The following GLG1 variants were observed in gnomAD, a reference collection of about 807,000 sequenced individuals.
GLG1 encodes the protein golgi glycoprotein 1, also known as Golgi apparatus protein 1.
In GLG1, 38 loss-of-function variants were observed where a neutral mutation model predicts 160.5. The ratio of observed to expected loss-of-function variants is 0.24; its 90% CI spans 0.18 to 0.31. GLG1 has a LOEUF of 0.31. Among genes scored for constraint, GLG1 ranks in the 10% least tolerant of loss-of-function variants. GLG1 has a pLI of 1.00. For synonymous variants in GLG1, 644 were observed against 543.4 expected (o/e 1.19, Z -2.57); for missense variants, 1,373 against 1,505.2 (o/e 0.91, Z 1.45).
At position 74,542,744 on chromosome 16, in the gene GLG1, A is replaced by AGGAAG. The variant is rs2017919994; in HGVS notation, c.439-10596_439-10592dup. ...AAGGAAGGAAGGAAGGGAGGAAGGA[A>AGGAAG]GGAAGGAAGGAAGGAAGGAAGGAAG... On this transcript the variant is annotated intron_variant, in intron 1 of 25. Transcript: ENST00000422840. Among the ~76,000 whole-genome samples the AGGAAG allele has an allele frequency of 5.4e-4, 7 of 12,856 alleles. 1 individual carries two copies. The highest frequency in any genetic ancestry group is 1.5e-3 in the Non-Finnish European group (6 of 4,006). 8.4% of individuals were successfully genotyped at this position (12,856 alleles called of 152,430 possible). A position where few individuals can be genotyped will look rare whatever the true frequency, so the allele number is the denominator to read the frequency against.
intron 25 of GLG1, among the ~76,000 whole-genome samples, chr16:74,454,412 T>C (rs2014444157): frequency 6.6e-6 from 1 of 150,920 alleles, no homozygotes; most frequent in Admixed American, 6.6e-5. Flanking sequence ...CTCACGCCTG[T>C]AATCCCAGCA....
At chr16:74,522,214 G>A (rs1219665237) in intron 2 of GLG1, among the ~76,000 whole-genome samples, 6 of 152,230 alleles carry the variant, frequency 3.9e-5, no homozygotes, top group Non-Finnish European at 8.8e-5. Context: ...TTTACTCATA[G>A]GGCTGTTGCG....
At chr16:74,472,284 C>G in intron 14 of GLG1, 65 bp downstream of exon 14, 1 of 1,056,968 alleles carries the variant, frequency 9.5e-7, no homozygotes, top group Admixed American at 1.7e-5. Context: ...GTCTGAGATA[C>G]TCAGGGGAGA....
intron 11 of GLG1, among the ~76,000 whole-genome samples, chr16:74,477,977 AAAAT>A (rs140504819): frequency 0.011 from 1,583 of 140,164 alleles, 19 homozygotes; most frequent in African/African-American, 0.037. Flanking sequence ...CCGTCTCAAA[AAAAT>A]AAATAAATAA....
At chr16:74,597,430 CAAA>C (rs1180246941) in intron 1 of GLG1, among the ~76,000 whole-genome samples, 1 of 62,208 alleles carries the variant, frequency 1.6e-5, no homozygotes. Context: ...GACTCCATCT[CAAA>C]AAAAAAAAAA....
At chr16:74,603,427 A>G (rs1025014573) in intron 1 of GLG1, among the ~76,000 whole-genome samples, 2 of 150,832 alleles carry the variant, frequency 1.3e-5, no homozygotes, top group African/African-American at 2.4e-5. Flanking sequence ...AAAAAAAAGA[A>G]AATCTAATCT....
In GLG1 at chr16:74,452,003, G is replaced by A. The variant is rs376037327; in HGVS notation, c.*1164C>T. 10 of 1,277,790 alleles carry A rather than the reference G, an allele frequency of 7.8e-6. No homozygotes were observed. The highest frequency in any genetic ancestry group is 2.4e-5 in the South Asian group (2 of 84,490). 79.2% of individuals were successfully genotyped at this position (1,277,790 alleles called of 1,614,324 possible). A position where few individuals can be genotyped will look rare whatever the true frequency, so the allele number is the denominator to read the frequency against. Reference sequence around the variant, plus strand: ...TGATAACTTTCCACACCCTCTCCACGTAGAGGCACAAAGGAGCTTGTCTGG... The same window carrying A: ...TGATAACTTTCCACACCCTCTCCACATAGAGGCACAAAGGAGCTTGTCTGG... On this transcript the variant is annotated 3_prime_UTR_variant, in exon 26 of 26. Coordinates refer to ENST00000422840, the MANE Select transcript of GLG1 (RefSeq NM_001145667.2).
intron 4 of GLG1, among the ~76,000 whole-genome samples, chr16:74,501,818 T>C (rs2903726): frequency 0.98 from 148,914 of 152,318 alleles, 72,900 homozygotes; most frequent in East Asian, 1. Flanking sequence ...TGCTTTTGTG[T>C]CATTTTGAGA....
At chr16:74,582,763 T>C (rs1957967539) in intron 1 of GLG1, among the ~76,000 whole-genome samples, 1 of 151,742 alleles carries the variant, frequency 6.6e-6, no homozygotes, top group Non-Finnish European at 1.5e-5. Flanking sequence ...AGCTTGACAG[T>C]GAGCCGAGAT....
At chr16:74,542,158 C>G (rs976719248) in intron 1 of GLG1, among the ~76,000 whole-genome samples, 1 of 149,264 alleles carries the variant, frequency 6.7e-6, no homozygotes. Context: ...ATCTGATGAT[C>G]TGGTTTGAAT....
chr16:74,503,432 G>A lies in GLG1; in HGVS notation c.774+99C>T, dbSNP rs561103643. 34 of 781,842 alleles carry A rather than the reference G, an allele frequency of 4.3e-5. No homozygotes were observed. In the South Asian group the frequency reaches 4.7e-4, roughly 11 times the overall value. The allele number at this position is 781,842 out of a possible 1,614,324, so 48.4% of individuals were successfully genotyped here. A position where few individuals can be genotyped will look rare whatever the true frequency, so the allele number is the denominator to read the frequency against. On this transcript the variant is annotated intron_variant, in intron 4 of 25. Transcript: ENST00000422840. ...CAAGTTTCTTCAATTTCAACTTAAG[G>A]TCACTCCAGTCCTAAATTTTTCCCA...
intron 1 of GLG1, among the ~76,000 whole-genome samples, chr16:74,543,406 G>A (rs2017958306): frequency 6.6e-6 from 1 of 152,236 alleles, no homozygotes; most frequent in Non-Finnish European, 1.5e-5. Flanking sequence ...GTTGGAGGCA[G>A]TAATGTGTTA....
intron 19 of GLG1, chr16:74,463,867 G>A (rs1204206371): frequency 2.2e-5 from 4 of 182,328 alleles, no homozygotes; most frequent in Admixed American, 1.2e-4. Context: ...GAGCCACCAC[G>A]CCTGGCCACT....
chr16:74,557,918 G>C (rs998464145), intron 1 of GLG1, among the ~76,000 whole-genome samples: 4 of 152,076 alleles, frequency 2.6e-5, no homozygotes, highest in Admixed American at 6.6e-5. Context: ...ATTGTGCTGA[G>C]GGGATAATGA....
At chr16:74,605,517 C>T (rs999487579) in intron 1 of GLG1, among the ~76,000 whole-genome samples, 3 of 152,152 alleles carry the variant, frequency 2.0e-5, no homozygotes, top group East Asian at 3.9e-4. Flanking sequence ...TCCCTCTAGT[C>T]GTTAAGCTGA....
intron 1 of GLG1, among the ~76,000 whole-genome samples, chr16:74,564,960 T>C (rs909033488): frequency 6.6e-6 from 1 of 152,196 alleles, no homozygotes; most frequent in African/African-American, 2.4e-5. Flanking sequence ...AAAGCCAGTT[T>C]TGTTACCTCC....
intron 1 of GLG1, among the ~76,000 whole-genome samples, chr16:74,540,133 TATATA>T (rs1197377480): frequency 2.3e-3 from 3 of 1,318 alleles, no homozygotes; most frequent in South Asian, 0.5. Context: ...ATATTTTATA[TATATA>T]ATATATTATA....
At chr16:74,534,772 A>G (rs994459376) in intron 1 of GLG1, among the ~76,000 whole-genome samples, 18 of 152,130 alleles carry the variant, frequency 1.2e-4, no homozygotes, top group Non-Finnish European at 2.1e-4. Context: ...CGTTGAGCAA[A>G]TCAAGATAGC....
chr16:74,523,709 AT>A (rs1222474114), intron 2 of GLG1, among the ~76,000 whole-genome samples: 1 of 151,864 alleles, frequency 6.6e-6, no homozygotes, highest in Non-Finnish European at 1.5e-5. Flanking sequence ...AATAATATTA[AT>A]TTTTAATATA....
Sources: gnomAD v4.1 joint callset for allele counts (sites outside exome capture counted in the v4.1 genomes callset) on GRCh38, gnomAD v4.1.1 for gene constraint, MANE v1.5 for transcripts, NCBI Gene and HGNC (gene_info 2026-07-23, HGNC 2026-07-21) for gene names.